Variants in LEPROTL1 observed in about 807,000 individuals in gnomAD.
The protein encoded by LEPROTL1 is leptin receptor overlapping transcript like 1.
In LEPROTL1, 6 loss-of-function variants were observed where a neutral mutation model predicts 15.4. The ratio of observed to expected loss-of-function variants is 0.39; its 90% CI spans 0.21 to 0.77. The LOEUF is 0.77. Ranked by LOEUF, LEPROTL1 falls within the 30% of genes least tolerant of loss-of-function variation. LEPROTL1 has a pLI of 0.41. For synonymous variants in LEPROTL1, 56 were observed against 52.6 expected (o/e 1.06, Z -0.28); for missense variants, 128 against 158.1 (o/e 0.81, Z 1.02).
rs34509876 is a variant in LEPROTL1, at chr8:30,135,056, GTT to G, written c.395-2201_395-2200del. Among the ~76,000 whole-genome samples, 305 of 111,788 alleles carry G rather than the reference GTT, an allele frequency of 2.7e-3. 3 individuals are homozygous for G. Among genetic ancestry groups the G allele is most frequent in the Middle Eastern group, 9.8e-3 (2 of 204 alleles). 73.3% of individuals were successfully genotyped at this position (111,788 alleles called of 152,430 possible). The stretch of plus-strand genomic sequence containing the variant: ...TACCACGCCTAGTTAATTTTTGTGG[GTT>G]TTTTTTTTTTTTTTGTAGAGATGGG... On this transcript the variant is annotated intron_variant, in intron 4 of 4. Coordinates refer to the LEPROTL1 transcript ENST00000442880.
At chr8:30,113,599 G>T (rs1802687994) in intron 3 of LEPROTL1, among the ~76,000 whole-genome samples, 1 of 152,140 alleles carries the variant, frequency 6.6e-6, no homozygotes, top group Admixed American at 6.6e-5. Context: ...GCATCTCCAC[G>T]TACACACAGG....
chr8:30,096,487 T>C (rs1215245796), intron 1 of LEPROTL1: 1 of 595,262 alleles, frequency 1.7e-6, no homozygotes, highest in Non-Finnish European at 2.1e-6. Context: ...ATCGAGTTTT[T>C]TTTCAGGGTC....
At chr8:30,113,808 G>A (rs531700481) in intron 3 of LEPROTL1, among the ~76,000 whole-genome samples, 1 of 152,194 alleles carries the variant, frequency 6.6e-6, no homozygotes, top group African/African-American at 2.4e-5. Context: ...CCAGCCAGGG[G>A]GTCTCCATGC....
At chr8:30,127,958 T>C (rs117751694) in intron 3 of LEPROTL1, among the ~76,000 whole-genome samples, 3,413 of 151,700 alleles carry the variant, frequency 0.022, 50 homozygotes, top group Middle Eastern at 0.034. Context: ...ATGGGCAGAG[T>C]CTTGGAAGTA....
chr8:30,099,437 CA>C (rs1379040016), intron 1 of LEPROTL1, among the ~76,000 whole-genome samples: 383 of 131,634 alleles, frequency 2.9e-3, no homozygotes, highest in East Asian at 0.013. Context: ...ACTAAAAATA[CA>C]AAAAAAAAAA....
chr8:30,121,396 G>C (rs1802828220), intron 3 of LEPROTL1, among the ~76,000 whole-genome samples: 1 of 152,034 alleles, frequency 6.6e-6, no homozygotes, highest in Non-Finnish European at 1.5e-5. Context: ...GGGATTACAG[G>C]CACCCGCCAC....
At chr8:30,128,392 A>G (rs1802938344) in intron 3 of LEPROTL1, among the ~76,000 whole-genome samples, 1 of 152,164 alleles carries the variant, frequency 6.6e-6, no homozygotes. Flanking sequence ...TTTGTTAACC[A>G]AGTTCTTTTT....
At chr8:30,126,339 A>C (rs752642083) in intron 3 of LEPROTL1, among the ~76,000 whole-genome samples, 4 of 152,206 alleles carry the variant, frequency 2.6e-5, no homozygotes, top group Non-Finnish European at 5.9e-5. Flanking sequence ...ATGTGTCCCC[A>C]TATTAAGTGA....
chr8:30,120,039 C>T, intron 3 of LEPROTL1, among the ~76,000 whole-genome samples: 1 of 151,826 alleles, frequency 6.6e-6, no homozygotes, highest in Non-Finnish European at 1.5e-5. Context: ...GCACTCCAGA[C>T]TGGGCAACAG....
rs1478017449 is a variant in LEPROTL1, at chr8:30,107,146, A to G, written c.*1284A>G. ...GAACTGTTTTGATTTTGAGTTCATC[A>G]TGATAGATCTGCTGTTTCCTTATAA... On this transcript the variant is annotated 3_prime_UTR_variant, in exon 4 of 4. Coordinates refer to ENST00000321250, the MANE Select transcript of LEPROTL1 (RefSeq NM_015344.3). 7 of 985,274 alleles carry G rather than the reference A, an allele frequency of 7.1e-6. No individual in the cohort carries two copies. In the East Asian group the frequency reaches 4.5e-4, roughly 64 times the overall value. 61.0% of individuals were successfully genotyped at this position (985,274 alleles called of 1,614,324 possible).
intron 3 of LEPROTL1, among the ~76,000 whole-genome samples, chr8:30,119,575 G>T (rs954040768): frequency 6.6e-6 from 1 of 152,106 alleles, no homozygotes; most frequent in African/African-American, 2.4e-5. Context: ...CAGTCATATT[G>T]GATGAGGGCC....
chr8:30,134,417 A>G (rs1484779254), intron 4 of LEPROTL1, among the ~76,000 whole-genome samples: 2 of 151,668 alleles, frequency 1.3e-5, no homozygotes, highest in Admixed American at 1.3e-4. Flanking sequence ...GCGAGACTGC[A>G]TCTCAAAAAA....
In LEPROTL1 at chr8:30,107,021, A is replaced by T. The variant is rs187174016; in HGVS notation, c.*1159A>T. 3.1e-6 allele frequency: 3 copies of T among 981,052 alleles called. No homozygotes were observed. Among genetic ancestry groups the T allele is most frequent in the East Asian group, 2.3e-4 (2 of 8,796 alleles). The allele number at this position is 981,052 out of a possible 1,614,324, so 60.8% of individuals were successfully genotyped here. The stretch of plus-strand genomic sequence containing the variant: ...TCTTACAGATAATTCATGCATTAAC[A>T]GTTTAAGATTTAGACCATGGTAATA... On this transcript the variant is annotated 3_prime_UTR_variant, in exon 4 of 4. Transcript: ENST00000321250.
intron 2 of LEPROTL1, among the ~76,000 whole-genome samples, chr8:30,102,995 CTTGCAGATGTTTACAAAGAT>C (rs1173762072): frequency 2.0e-5 from 3 of 152,152 alleles, no homozygotes; most frequent in Non-Finnish European, 4.4e-5. Context: ...TACAAACCCA[CTTGCAGATGTTTACAAAGAT>C]ATATTTAGTG....
At chr8:30,132,676 C>A (rs927697384) in intron 4 of LEPROTL1, 7 of 1,551,584 alleles carry the variant, frequency 4.5e-6, no homozygotes, top group Non-Finnish European at 6.1e-6. Context: ...AGCACTGGAC[C>A]CTTGAACACG....
intron 4 of LEPROTL1, chr8:30,132,725 G>GGAGA (rs1429546515): frequency 1.1e-5 from 17 of 1,551,690 alleles, no homozygotes; most frequent in Non-Finnish European, 1.5e-5. Context: ...GAGCCTCCCA[G>GGAGA]GAGAGCAGGG....
intron 3 of LEPROTL1, among the ~76,000 whole-genome samples, chr8:30,120,063 CAATAAATAAATA>C (rs201416312): frequency 0.19 from 19,375 of 100,180 alleles, 1,503 homozygotes; most frequent in East Asian, 0.4. Context: ...GAGACTCCAT[CAATAAATAAATA>C]AATAAATAAA....
At position 30,105,808 on chromosome 8, in the gene LEPROTL1, A is replaced by C; in HGVS notation, c.342A>C (p.Leu114=). Residue 114 remains leucine, a synonymous_variant, in exon 4 of 4, where the codon CTA becomes CTC. Transcript: ENST00000321250. ...ACACAGTCATCTTTGCAACTATACTAGGCTTTTTCTTGGTCTTTGGAAGCA... is the reference window on the plus strand; with the variant it reads ...ACACAGTCATCTTTGCAACTATACTCGGCTTTTTCTTGGTCTTTGGAAGCA... ...TGNTVIFATI[L]GFFLVFGSND... 3 of 1,579,574 alleles carry C rather than the reference A, an allele frequency of 1.9e-6. No homozygotes were observed. Among genetic ancestry groups the C allele is most frequent in the Non-Finnish European group, 2.6e-6 (3 of 1,164,282 alleles).
intron 3 of LEPROTL1, chr8:30,132,285 G>C: frequency 3.2e-6 from 5 of 1,551,796 alleles, no homozygotes; most frequent in Non-Finnish European, 3.5e-6. Flanking sequence ...GCCAAGCCCT[G>C]CTGTGCTGGA....
Sources: allele counts gnomAD v4.1 joint callset (sites outside exome capture counted in the v4.1 genomes callset), GRCh38; gene constraint gnomAD v4.1.1; transcripts MANE v1.5; gene names NCBI Gene and HGNC (gene_info 2026-07-23, HGNC 2026-07-21).